Variants in PGCKA1 observed in about 807,000 individuals in gnomAD.
PGCKA1 encodes the protein PDCD10 and GCKIII kinases associated 1.
chr4:37,507,865 G>A, the PGCKA1 span, among the ~76,000 whole-genome samples: 1 of 152,074 alleles, frequency 6.6e-6, no homozygotes, highest in African/African-American at 2.4e-5. Context: ...AACAGGTCTG[G>A]TATTCATGGA....
At chr4:37,535,648 A>G in the PGCKA1 span, among the ~76,000 whole-genome samples, 3 of 152,324 alleles carry the variant, frequency 2.0e-5, no homozygotes, top group East Asian at 1.9e-4. Context: ...TTGATTCCAC[A>G]TTCGTAAAGA....
the PGCKA1 span, among the ~76,000 whole-genome samples, chr4:37,581,242 G>A: frequency 6.6e-6 from 1 of 152,300 alleles, no homozygotes; most frequent in African/African-American, 2.4e-5. This position sits in a 1 kb window ranked among gnomAD's most constrained non-coding sequence, Gnocchi z 4.4. Context: ...CACTGTGGCT[G>A]AGCTGGTACC....
At chr4:37,580,294 T>C in the PGCKA1 span, among the ~76,000 whole-genome samples, 1 of 142,042 alleles carries the variant, frequency 7.0e-6, no homozygotes, top group Admixed American at 7.4e-5. Context: ...GTTAGTTCTT[T>C]CGGTGAGGTC....
the PGCKA1 span, among the ~76,000 whole-genome samples, chr4:37,579,003 A>G: frequency 6.6e-6 from 1 of 152,232 alleles, no homozygotes; most frequent in African/African-American, 2.4e-5. Context: ...GGTTGCAGTG[A>G]GCCGAGATTG....
the PGCKA1 span, among the ~76,000 whole-genome samples, chr4:37,512,100 A>G: frequency 6.6e-6 from 1 of 152,164 alleles, no homozygotes. Context: ...GCCACTGCTG[A>G]AGGATGGGGG....
the PGCKA1 span, among the ~76,000 whole-genome samples, chr4:37,576,052 C>A: frequency 6.6e-6 from 1 of 151,972 alleles, no homozygotes; most frequent in Non-Finnish European, 1.5e-5. Flanking sequence ...TTGTTTTTTT[C>A]GCTCAGGATG....
At chr4:37,481,826 G>A in the PGCKA1 span, among the ~76,000 whole-genome samples, 2 of 152,102 alleles carry the variant, frequency 1.3e-5, no homozygotes, top group Admixed American at 6.6e-5. Flanking sequence ...TAATCCCCAC[G>A]TGTCATGGAA....
the PGCKA1 span, among the ~76,000 whole-genome samples, chr4:37,559,436 G>A: frequency 2.3e-5 from 3 of 128,316 alleles, no homozygotes; most frequent in African/African-American, 9.2e-5. Context: ...ACACTCTGGG[G>A]ACTGTTGTGG....
At chr4:37,536,853 C>T in the PGCKA1 span, among the ~76,000 whole-genome samples, 1 of 152,202 alleles carries the variant, frequency 6.6e-6, no homozygotes, top group African/African-American at 2.4e-5. Flanking sequence ...TATCAAAATA[C>T]ATTACAAACC....
At chr4:37,509,990 G>A in the PGCKA1 span, among the ~76,000 whole-genome samples, 68 of 150,794 alleles carry the variant, frequency 4.5e-4, no homozygotes, top group South Asian at 6.9e-3. Context: ...AGAGGGAGAG[G>A]GAGGGGGAGG....
At chr4:37,574,938 G>A in the PGCKA1 span, among the ~76,000 whole-genome samples, 1 of 152,158 alleles carries the variant, frequency 6.6e-6, no homozygotes, top group African/African-American at 2.4e-5. Flanking sequence ...GCAAAGTAAA[G>A]GAGCTCATTC....
chr4:37,544,178 T>C, the PGCKA1 span, among the ~76,000 whole-genome samples: 1 of 152,342 alleles, frequency 6.6e-6, no homozygotes, highest in Non-Finnish European at 1.5e-5. Flanking sequence ...TTTGTGTGTA[T>C]ATATGTTTAA....
At chr4:37,579,240 ATT>A in the PGCKA1 span, among the ~76,000 whole-genome samples, 1 of 152,118 alleles carries the variant, frequency 6.6e-6, no homozygotes, top group Non-Finnish European at 1.5e-5. Context: ...GTCTTGAAAA[ATT>A]TTTGTTATTA....
chr4:37,548,102 G>GA, the PGCKA1 span, among the ~76,000 whole-genome samples: 9 of 151,308 alleles, frequency 5.9e-5, no homozygotes, highest in East Asian at 5.8e-4. Context: ...GTTGTTTAAA[G>GA]AAAAAACTAC....
At chr4:37,525,740 G>C in the PGCKA1 span, among the ~76,000 whole-genome samples, 3 of 152,202 alleles carry the variant, frequency 2.0e-5, no homozygotes, top group South Asian at 2.1e-4. Context: ...CACACCAAAG[G>C]CTTCACTCGA....
chr4:37,543,425 C>G, the PGCKA1 span, among the ~76,000 whole-genome samples: 1 of 152,138 alleles, frequency 6.6e-6, no homozygotes, highest in African/African-American at 2.4e-5. Flanking sequence ...TAGCAAAGGG[C>G]TTGTTTCTCA....
the PGCKA1 span, among the ~76,000 whole-genome samples, chr4:37,510,850 G>A: frequency 6.6e-6 from 1 of 151,510 alleles, no homozygotes; most frequent in Non-Finnish European, 1.5e-5. Context: ...GCCTGGGACT[G>A]GAGTCAAAAA....
chr4:37,485,661 C>A, the PGCKA1 span, among the ~76,000 whole-genome samples: 1 of 152,108 alleles, frequency 6.6e-6, no homozygotes, highest in Non-Finnish European at 1.5e-5. Flanking sequence ...TCCTATTAAG[C>A]CTCAGAATCT....
chr4:37,454,272 G>T, the PGCKA1 span, among the ~76,000 whole-genome samples: 1 of 152,198 alleles, frequency 6.6e-6, no homozygotes, highest in Non-Finnish European at 1.5e-5. Context: ...ACTCGGGTGG[G>T]GGGAGGCGGA....
Sources: allele counts gnomAD v4.1 joint callset (sites outside exome capture counted in the v4.1 genomes callset), GRCh38; gene constraint gnomAD v4.1.1; non-coding constraint Gnocchi (gnomAD v3.1); transcripts MANE v1.5; gene names NCBI Gene and HGNC (gene_info 2026-07-23, HGNC 2026-07-21).